The following INTU variants were observed in gnomAD, a reference collection of about 807,000 sequenced individuals.
INTU encodes inturned planar cell polarity protein.
In INTU, 68 loss-of-function variants were observed where a neutral mutation model predicts 100.5. That is an observed-to-expected ratio of 0.68 (90% CI 0.56 to 0.83). The LOEUF is 0.83. Ranked by LOEUF, INTU falls within the 40% of genes least tolerant of loss-of-function variation. INTU has a pLI of 0.00. For synonymous variants in INTU, 357 were observed against 395.7 expected, an observed-to-expected ratio of 0.90 and a Z score of 1.16; for missense variants, 1,071 against 1,114.7, an observed-to-expected ratio of 0.96 and a Z score of 0.56.
At chr4:127,642,024 A>T (rs1449218610) in intron 1 of INTU, among the ~76,000 whole-genome samples, 1 of 149,046 alleles carries the variant, frequency 6.7e-6, no homozygotes, top group African/African-American at 2.6e-5. Context: ...ATATATATAT[A>T]TATTTTTTAA....
At chr4:127,695,192 T>C (rs142419829) in intron 8 of INTU, among the ~76,000 whole-genome samples, 141 of 152,350 alleles carry the variant, frequency 9.3e-4, no homozygotes, top group African/African-American at 3.2e-3. Context: ...CATACAGATA[T>C]TGTATATACT....
chr4:127,661,583 C>T (rs1046316182), intron 3 of INTU, among the ~76,000 whole-genome samples: 3 of 152,066 alleles, frequency 2.0e-5, no homozygotes, highest in African/African-American at 7.2e-5. Context: ...GATTTCTCCC[C>T]TTCTGTACCG....
At position 127,643,809 on chromosome 4, in the gene INTU, G is replaced by A. The variant is rs777381183; in HGVS notation, c.435G>A (p.Gln145=). 1 of 1,614,072 alleles carries A rather than the reference G, an allele frequency of 6.2e-7. No individual in the cohort carries two copies. The highest frequency in any genetic ancestry group is 8.5e-7 in the Non-Finnish European group (1 of 1,180,020). Residue 145 remains glutamine (Q), a synonymous_variant, in exon 2 of 16, where the codon CAG becomes CAA. Transcript: ENST00000335251. Reference sequence around the variant, plus strand: ...GACCAGTATCCATTCTAAAGCATCAGTCCAATCAGAAGACAGGAGTCATTG... The same window carrying A: ...GACCAGTATCCATTCTAAAGCATCAATCCAATCAGAAGACAGGAGTCATTG... The part of the protein sequence containing the change: ...DNGPVSILKH[Q]SNQKTGVIVQ...
intron 2 of INTU, among the ~76,000 whole-genome samples, chr4:127,644,310 T>C (rs1007855533): frequency 1.3e-5 from 2 of 152,206 alleles, no homozygotes; most frequent in African/African-American, 4.8e-5. Context: ...AATTTTCAAG[T>C]TTTGAATTAT....
rs940867432 is a variant in INTU, at chr4:127,707,708, C to T, written c.2271+739C>T. On this transcript the variant is annotated intron_variant, in intron 12 of 15. Coordinates refer to ENST00000335251, the MANE Select transcript of INTU (RefSeq NM_015693.4). ...ATTTTTATAGATTTTAAAATCTGAA[C>T]CTTTGTAACACTTAAAGATTTAAAA... Among the ~76,000 whole-genome samples, 8 of 152,016 alleles carry T rather than the reference C, an allele frequency of 5.3e-5. No homozygotes were observed. The East Asian group carries it at 1.4e-3, about 26-fold the overall frequency.
chr4:127,688,367 G>A (rs1560864738), intron 8 of INTU, among the ~76,000 whole-genome samples: 1 of 152,144 alleles, frequency 6.6e-6, no homozygotes, highest in Non-Finnish European at 1.5e-5. Context: ...TGACGGTTAA[G>A]AATTATCAAT....
At chr4:127,642,060 T>C (rs577040487) in intron 1 of INTU, among the ~76,000 whole-genome samples, 201 of 152,038 alleles carry the variant, frequency 1.3e-3, no homozygotes, top group Non-Finnish European at 2.2e-3. Flanking sequence ...TTTAAGTAAT[T>C]AATGTGCAAT....
At chr4:127,685,631 T>C (rs555392651) in intron 7 of INTU, 149 of 288,678 alleles carry the variant, frequency 5.2e-4, no homozygotes, top group South Asian at 1.8e-3. Flanking sequence ...GTAAGGAAAG[T>C]TTTAACCAAT....
Position 127,643,521 on chromosome 4 carries a change from T to G in INTU, c.147T>G (p.Asp49Glu). 1 of 1,579,542 alleles carries G rather than the reference T, an allele frequency of 6.3e-7. No individual in the cohort carries two copies. The highest frequency in any genetic ancestry group is 8.6e-7 in the Non-Finnish European group (1 of 1,169,190). The part of the protein sequence containing the change: ...GSYSSASSDY[D>E]DLEPEWLDSV... The stretch of plus-strand genomic sequence containing the variant: ...AGATTATCTTTTCTCTCTTTCATAG[T>G]GATCTTGAGCCTGAATGGCTGGACA... Residue 49 changes from aspartate (D) to glutamate (E), a missense_variant and splice_region_variant, in exon 2 of 16, where the codon GAT becomes GAG. Coordinates refer to ENST00000335251, the MANE Select transcript of INTU (RefSeq NM_015693.4).
At chr4:127,701,598 TATATA>T (rs1298334283) in intron 9 of INTU, among the ~76,000 whole-genome samples, 2 of 152,164 alleles carry the variant, frequency 1.3e-5, no homozygotes, top group Non-Finnish European at 2.9e-5. Flanking sequence ...CAGATGAAAT[TATATA>T]ATATCTGGGA....
At position 127,717,957 on chromosome 4, in the gene INTU, A is replaced by C. The variant is rs1001615797; in HGVS notation, c.*1521A>C. On this transcript the variant is annotated 3_prime_UTR_variant, in exon 16 of 16. Coordinates refer to ENST00000335251, the MANE Select transcript of INTU (RefSeq NM_015693.4). ...TAGGTTGCCTGTTCACTCTGATGAT[A>C]GTTTCTTTTGCTGTGCAGAAGGTCT... 6.6e-6 allele frequency: 1 copy of C among 152,080 alleles called. No homozygotes were observed. 9.4% of individuals were successfully genotyped at this position (152,080 alleles called of 1,614,324 possible).
At chr4:127,672,201 C>T (rs921685724) in intron 5 of INTU, among the ~76,000 whole-genome samples, 5 of 152,042 alleles carry the variant, frequency 3.3e-5, no homozygotes, top group East Asian at 3.8e-4. Context: ...CACAGATATG[C>T]GCAACCCTCA....
intron 14 of INTU, among the ~76,000 whole-genome samples, chr4:127,712,533 G>C (rs948889118): frequency 1.2e-4 from 18 of 152,154 alleles, no homozygotes; most frequent in African/African-American, 4.3e-4. Flanking sequence ...ACAAAACAAA[G>C]TCCCTTCCTT....
intron 1 of INTU, among the ~76,000 whole-genome samples, chr4:127,641,477 A>G (rs988661692): frequency 6.6e-6 from 1 of 151,572 alleles, no homozygotes. Context: ...TCCTCTTCAC[A>G]TCTTTCCCTT....
intron 6 of INTU, among the ~76,000 whole-genome samples, chr4:127,677,993 G>C (rs530557255): frequency 2.0e-5 from 3 of 152,290 alleles, no homozygotes; most frequent in Admixed American, 2.0e-4. Flanking sequence ...CTGGAAGAAA[G>C]GGTATCAGTG....
intron 2 of INTU, among the ~76,000 whole-genome samples, chr4:127,646,809 G>A (rs1228742471): frequency 6.6e-6 from 1 of 152,028 alleles, no homozygotes; most frequent in Non-Finnish European, 1.5e-5. Flanking sequence ...ATAGACGAGG[G>A]GTTGAGATTG....
chr4:127,640,542 C>CATATATATATATATATAT (rs869116277), intron 1 of INTU, among the ~76,000 whole-genome samples: 8 of 53,636 alleles, frequency 1.5e-4, no homozygotes, highest in African/African-American at 1.8e-4. Context: ...GGTAAAGATA[C>CATATATATATATATATAT]ATATATATAT....
At position 127,706,673 on chromosome 4, in the gene INTU, T is replaced by C. The variant is rs1344969227; in HGVS notation, c.1975T>C (p.Trp659Arg). 3 of 1,614,014 alleles carry C rather than the reference T, an allele frequency of 1.9e-6. No homozygotes were observed. The highest frequency in any genetic ancestry group is 4.5e-5 in the East Asian group (2 of 44,900). Residue 659 changes from tryptophan to arginine, a missense_variant, in exon 12 of 16, where the codon TGG (tryptophan) becomes CGG (arginine). Trp to Arg is a moderately radical substitution (Grantham distance 101, BLOSUM62 -3). Transcript: ENST00000335251. ...SPVPCLSCAD[W>R]FLTGSREKTD... Reference sequence around the variant, plus strand: ...AGTCCCCTGTTTGTCTTGTGCTGACTGGTTCCTTACTGGATCACGTGAAAA... The same window carrying C: ...AGTCCCCTGTTTGTCTTGTGCTGACCGGTTCCTTACTGGATCACGTGAAAA...
chr4:127,689,388 G>A (rs1471610609), intron 8 of INTU, among the ~76,000 whole-genome samples: 6 of 152,242 alleles, frequency 3.9e-5, no homozygotes, highest in Non-Finnish European at 4.4e-5. Flanking sequence ...GGTGGCTCAT[G>A]CCTGTAATCC....
Sources: gnomAD v4.1 joint callset for allele counts (sites outside exome capture counted in the v4.1 genomes callset) on GRCh38, gnomAD v4.1.1 for gene constraint, MANE v1.5 for transcripts, NCBI Gene and HGNC (gene_info 2026-07-23, HGNC 2026-07-21) for gene names.